The following SRBD1 variants were observed in gnomAD, a reference collection of about 807,000 sequenced individuals.
SRBD1 encodes S1 RNA binding domain 1.
Under a neutral mutation model 115.3 loss-of-function variants are expected in SRBD1, and 88 were observed. The observed-to-expected ratio is 0.76, with a 90% CI of 0.64 to 0.91. The LOEUF is 0.91. SRBD1 is among the 40% of genes least tolerant of loss of function. SRBD1 has a pLI of 0.00. For missense variants in SRBD1, 1,385 were observed against 1,177.4 expected, an observed-to-expected ratio of 1.18 and a Z score of -2.58; for synonymous variants, 509 against 407.7, an observed-to-expected ratio of 1.25 and a Z score of -2.99.
At position 45,419,796 on chromosome 2, in the gene SRBD1, A is replaced by G; in HGVS notation, c.2148T>C (p.Val716=). 1 of 1,613,688 alleles carries G rather than the reference A, an allele frequency of 6.2e-7. No individual in the cohort carries two copies. The highest frequency in any genetic ancestry group is 8.5e-7 in the Non-Finnish European group (1 of 1,179,762). ...CCACATATTTGTCTCACCTTAACAA[A>G]ACTTCTGAACAGATGTTAATATCCA... ...VGVDINICSE[V]LLRHIAGLNA... is the part of the protein sequence containing the mutation. Residue 716 remains valine, a synonymous_variant, in exon 17 of 21, where the codon GTT becomes GTC. Transcript: ENST00000263736.
intron 16 of SRBD1, among the ~76,000 whole-genome samples, chr2:45,455,377 G>T (rs998802404): frequency 6.6e-5 from 10 of 151,832 alleles, no homozygotes; most frequent in African/African-American, 2.4e-4. Flanking sequence ...TGTGATAGTA[G>T]ATTTAGGAAT....
chr2:45,471,181 T>A (rs941615410), intron 16 of SRBD1, among the ~76,000 whole-genome samples: 1 of 152,146 alleles, frequency 6.6e-6, no homozygotes, highest in South Asian at 2.1e-4. Flanking sequence ...TTTTTCCTAA[T>A]ACATATTCAC....
intron 4 of SRBD1, among the ~76,000 whole-genome samples, chr2:45,592,000 G>T (rs981691304): frequency 1.3e-5 from 2 of 152,140 alleles, no homozygotes; most frequent in African/African-American, 4.8e-5. Flanking sequence ...GGGACCCAGG[G>T]GGAGGTAATT....
intron 14 of SRBD1, among the ~76,000 whole-genome samples, chr2:45,526,248 T>C (rs758529718): frequency 6.6e-6 from 1 of 152,070 alleles, no homozygotes; most frequent in African/African-American, 2.4e-5. Context: ...TGTATATCCA[T>C]ATAATGGAAT....
chr2:45,610,438 G>A (rs915140222), intron 1 of SRBD1, among the ~76,000 whole-genome samples: 1 of 152,184 alleles, frequency 6.6e-6, no homozygotes, highest in Admixed American at 6.5e-5. Flanking sequence ...AGATCAGACA[G>A]TCCCGCTATA....
intron 14 of SRBD1, among the ~76,000 whole-genome samples, chr2:45,496,049 T>C (rs1670449072): frequency 6.6e-6 from 1 of 152,238 alleles, no homozygotes; most frequent in African/African-American, 2.4e-5. Context: ...TATTTGTTTA[T>C]ACTTTTCAAG....
chr2:45,565,386 T>A (rs1380876566), intron 9 of SRBD1, among the ~76,000 whole-genome samples: 1 of 152,302 alleles, frequency 6.6e-6, no homozygotes, highest in South Asian at 2.1e-4. Context: ...GAAAATCCAA[T>A]CTTTTCAATA....
chr2:45,482,724 A>C (rs1402374148), intron 15 of SRBD1, among the ~76,000 whole-genome samples: 1 of 152,036 alleles, frequency 6.6e-6, no homozygotes, highest in African/African-American at 2.4e-5. Flanking sequence ...TCTATATACT[A>C]TAGACTTTTA....
Position 45,585,652 on chromosome 2 carries a change from A to G in SRBD1, c.771T>C (p.Asp257=). 1 of 1,612,308 alleles carries G rather than the reference A, an allele frequency of 6.2e-7. No individual in the cohort carries two copies. The highest frequency in any genetic ancestry group is 1.3e-5 in the African/African-American group (1 of 74,922). ...RYRKELINNL[D]ADSLREVQQT... is the part of the protein sequence containing the mutation. Reference sequence around the variant, plus strand: ...GCTGAACTTCTCTCAAGGAATCAGCATCAAGGTTATTAATGAGCTCTTTTC... The same window carrying G: ...GCTGAACTTCTCTCAAGGAATCAGCGTCAAGGTTATTAATGAGCTCTTTTC... Residue 257 remains aspartate (D), a synonymous_variant, in exon 5 of 21, where the codon GAT becomes GAC. Coordinates refer to ENST00000263736, the MANE Select transcript of SRBD1 (RefSeq NM_018079.5).
chr2:45,492,198 G>T (rs1398306969), intron 14 of SRBD1, among the ~76,000 whole-genome samples: 1 of 152,098 alleles, frequency 6.6e-6, no homozygotes, highest in Admixed American at 6.5e-5. Flanking sequence ...AATATAATTT[G>T]TTTTCTGTAT....
At chr2:45,563,630 A>C (rs1008153475) in intron 9 of SRBD1, among the ~76,000 whole-genome samples, 1 of 152,078 alleles carries the variant, frequency 6.6e-6, no homozygotes, top group Non-Finnish European at 1.5e-5. Context: ...GCCACTACTA[A>C]GGACCTTATA....
intron 16 of SRBD1, among the ~76,000 whole-genome samples, chr2:45,462,997 T>C (rs1669366782): frequency 7.4e-6 from 1 of 134,778 alleles, no homozygotes; most frequent in Non-Finnish European, 1.6e-5. Flanking sequence ...GGTAATGATA[T>C]TTAATTGTTG....
Position 45,553,734 on chromosome 2 carries a change from C to A in SRBD1, c.1410-4G>T. The A allele has an allele frequency of 1.9e-6, 3 of 1,555,830 alleles. No individual in the cohort carries two copies. The highest frequency in any genetic ancestry group is 1.7e-4 in the Middle Eastern group (1 of 5,820). On this transcript the variant is annotated splice_polypyrimidine_tract_variant and splice_region_variant and intron_variant, in intron 10 of 20. Transcript: ENST00000263736. Reference sequence around the variant, plus strand: ...TGCAAAGCTACGTGGTCTCCACCTGCAAAACAGAAAAGCCCACACTAAAAC... The same window carrying A: ...TGCAAAGCTACGTGGTCTCCACCTGAAAAACAGAAAAGCCCACACTAAAAC...
At chr2:45,395,268 T>A (rs1268372792) in intron 19 of SRBD1, among the ~76,000 whole-genome samples, 1 of 152,194 alleles carries the variant, frequency 6.6e-6, no homozygotes, top group African/African-American at 2.4e-5. Flanking sequence ...AAGTCTAGAA[T>A]CTTGAATAGC....
intron 14 of SRBD1, among the ~76,000 whole-genome samples, chr2:45,497,144 T>G (rs531630318): frequency 3.5e-4 from 53 of 152,304 alleles, no homozygotes; most frequent in African/African-American, 1.3e-3. Flanking sequence ...GGATCTAAAC[T>G]TCTACTGTCG....
In SRBD1 at chr2:45,548,227, A is replaced by T. The variant is rs187584025; in HGVS notation, c.1676-615T>A. Among the ~76,000 whole-genome samples, 9 of 152,100 alleles carry T rather than the reference A, an allele frequency of 5.9e-5. No homozygotes were observed. The East Asian group carries it at 1.5e-3, about 26-fold the overall frequency. On this transcript the variant is annotated intron_variant, in intron 12 of 20. Transcript: ENST00000263736. ...AACCCAAAGAAAGCAGAAGATAGAA[A>T]ATGTTGAAGTTAAAAGCAAAAATTA... is the stretch of plus-strand genomic sequence containing the variant.
intron 16 of SRBD1, among the ~76,000 whole-genome samples, chr2:45,442,837 C>T (rs1028890344): frequency 6.6e-6 from 1 of 152,156 alleles, no homozygotes; most frequent in South Asian, 2.1e-4. Flanking sequence ...AGTCTAGCTA[C>T]CTTTACATGC....
At chr2:45,524,566 A>C (rs1327848956) in intron 14 of SRBD1, among the ~76,000 whole-genome samples, 1 of 152,052 alleles carries the variant, frequency 6.6e-6, no homozygotes, top group Non-Finnish European at 1.5e-5. Context: ...ACAACAAAAT[A>C]TTTAGGAATA....
At chr2:45,598,262 C>T (rs1285524578) in intron 4 of SRBD1, among the ~76,000 whole-genome samples, 1 of 152,196 alleles carries the variant, frequency 6.6e-6, no homozygotes, top group Non-Finnish European at 1.5e-5. Context: ...AGAGGAAAAG[C>T]TGTAAAGCAA....
Sources: gnomAD v4.1 joint callset for allele counts (sites outside exome capture counted in the v4.1 genomes callset) on GRCh38, gnomAD v4.1.1 for gene constraint, MANE v1.5 for transcripts, NCBI Gene and HGNC (gene_info 2026-07-23, HGNC 2026-07-21) for gene names.